The following DPP8 variants were observed in gnomAD, a reference collection of about 807,000 sequenced individuals.
DPP8 encodes dipeptidyl peptidase 8.
In DPP8, 31 loss-of-function variants were observed where a neutral mutation model predicts 107.5. That is an observed-to-expected ratio of 0.29 (90% CI 0.22 to 0.39). DPP8 has a LOEUF of 0.39. Ranked by LOEUF, DPP8 falls within the 10% of genes least tolerant of loss-of-function variation. DPP8 has a pLI of 1.00. For missense variants in DPP8, 842 were observed against 1,076.1 expected (o/e 0.78, Z 3.04); for synonymous variants, 381 against 356.6 (o/e 1.07, Z -0.77).
intron 19 of DPP8, among the ~76,000 whole-genome samples, chr15:65,449,458 G>A (rs2063805939): frequency 6.6e-6 from 1 of 151,670 alleles, no homozygotes; most frequent in African/African-American, 2.4e-5. Flanking sequence ...CACCCAGGCT[G>A]GAGTTCAGTG....
At chr15:65,463,525 A>G (rs1267928906) in intron 15 of DPP8, among the ~76,000 whole-genome samples, 4 of 151,866 alleles carry the variant, frequency 2.6e-5, no homozygotes, top group African/African-American at 9.7e-5. Flanking sequence ...CTGGGCAACA[A>G]GAGCAAAACT....
chr15:65,478,185 G>A (rs2066578557), intron 11 of DPP8, among the ~76,000 whole-genome samples: 1 of 152,164 alleles, frequency 6.6e-6, no homozygotes, highest in African/African-American at 2.4e-5. Context: ...TAACTCCAGT[G>A]TAGATGCAGA....
intron 16 of DPP8, among the ~76,000 whole-genome samples, chr15:65,454,716 C>A (rs1270534085): frequency 6.6e-6 from 1 of 151,798 alleles, no homozygotes; most frequent in Non-Finnish European, 1.5e-5. Context: ...TTAGTAGAGA[C>A]GGAGTTTCAC....
intron 18 of DPP8, among the ~76,000 whole-genome samples, chr15:65,451,537 T>C (rs1239797743): frequency 2.0e-5 from 3 of 152,240 alleles, no homozygotes; most frequent in Non-Finnish European, 2.9e-5. Context: ...TATTCTAGTA[T>C]AACATTTGTC....
At chr15:65,511,095 C>A (rs1331790110) in intron 2 of DPP8, among the ~76,000 whole-genome samples, 1 of 152,118 alleles carries the variant, frequency 6.6e-6, no homozygotes, top group African/African-American at 2.4e-5. Context: ...TTTCCCAGTA[C>A]TTCCACTCTT....
chr15:65,502,193 T>C (rs1271688320), intron 3 of DPP8, among the ~76,000 whole-genome samples: 2 of 152,122 alleles, frequency 1.3e-5, no homozygotes, highest in African/African-American at 4.8e-5. Context: ...CTGGCCCTCA[T>C]GAAAGAAGTG....
intron 11 of DPP8, among the ~76,000 whole-genome samples, chr15:65,474,509 C>A (rs890779537): frequency 2.6e-5 from 4 of 152,298 alleles, no homozygotes; most frequent in Admixed American, 2.6e-4. Context: ...TGTAGACAGT[C>A]TCGCTCTGTT....
At chr15:65,463,293 C>CT (rs1456973710) in intron 15 of DPP8, among the ~76,000 whole-genome samples, 2 of 152,192 alleles carry the variant, frequency 1.3e-5, no homozygotes, top group Middle Eastern at 3.2e-3. Flanking sequence ...AATCCCAACA[C>CT]TTTGGGAGCC....
chr15:65,499,601 G>C (rs2068979869), intron 4 of DPP8, among the ~76,000 whole-genome samples: 1 of 151,826 alleles, frequency 6.6e-6, no homozygotes, highest in Non-Finnish European at 1.5e-5. Flanking sequence ...GACTTGCTCT[G>C]TCATCCACGC....
chr15:65,460,064 T>G (rs1159467832), intron 15 of DPP8, among the ~76,000 whole-genome samples: 1 of 152,158 alleles, frequency 6.6e-6, no homozygotes, highest in African/African-American at 2.4e-5. Context: ...TCAATGACAT[T>G]AAATATATTC....
intron 15 of DPP8, among the ~76,000 whole-genome samples, chr15:65,457,702 AAATG>A (rs1425282106): frequency 1.4e-4 from 22 of 152,216 alleles, no homozygotes; most frequent in Non-Finnish European, 1.9e-4. Context: ...CCTGTTTGCT[AAATG>A]AATGAATGAA....
In DPP8 at chr15:65,454,391, C is replaced by A; in HGVS notation, c.2143G>T (p.Val715Leu). ...KMGQIEIDDQ[V>L]EGLQYLASRY... is the part of the protein sequence containing the mutation. ...GAAGCTAGATATTGGAGTCCTTCCACCTGATCGTCAATTTCTATTTGACCC... is the reference window on the plus strand; with the variant it reads ...GAAGCTAGATATTGGAGTCCTTCCAACTGATCGTCAATTTCTATTTGACCC... The change falls in exon 17 of 20, where the codon GTG becomes TTG. Residue 715 changes from valine to leucine, a missense_variant. Val to Leu is a conservative substitution (Grantham distance 32). This residue lies in a region of DPP8 where 179 missense variants were observed against 318.0 expected (regional missense o/e 0.56). Transcript: ENST00000300141. 2.5e-6 allele frequency: 4 copies of A among 1,598,160 alleles called. 1 individual carries two copies. The highest frequency in any genetic ancestry group is 2.3e-5 in the South Asian group (2 of 86,984).
At chr15:65,498,121 G>T in intron 4 of DPP8, 89 bp from the exon 5 acceptor site, 1 of 1,063,138 alleles carries the variant, frequency 9.4e-7, no homozygotes, top group Non-Finnish European at 1.3e-6. Flanking sequence ...AATATTTCTA[G>T]GTAAAATGTC....
chr15:65,453,605 C>T (rs1260824179), intron 17 of DPP8, among the ~76,000 whole-genome samples: 1 of 151,674 alleles, frequency 6.6e-6, no homozygotes, highest in Non-Finnish European at 1.5e-5. Context: ...TCCATCTCTA[C>T]TAAAAGTACA....
At chr15:65,453,450 CAT>C (rs58305362) in intron 17 of DPP8, among the ~76,000 whole-genome samples, 10 of 152,154 alleles carry the variant, frequency 6.6e-5, no homozygotes, top group Non-Finnish European at 1.2e-4. Flanking sequence ...CACACACACA[CAT>C]ACATATATAT....
chr15:65,470,447 A>T (rs1430877848), intron 12 of DPP8, among the ~76,000 whole-genome samples: 1 of 151,584 alleles, frequency 6.6e-6, no homozygotes, highest in African/African-American at 2.4e-5. Flanking sequence ...CTCTACTAAA[A>T]ATACAAAAAT....
At chr15:65,500,281 G>C (rs1007150458) in intron 4 of DPP8, among the ~76,000 whole-genome samples, 5 of 152,084 alleles carry the variant, frequency 3.3e-5, no homozygotes, top group African/African-American at 1.2e-4. Flanking sequence ...AGCCAGGGGT[G>C]GTGGCGCATG....
chr15:65,490,280 T>G lies in DPP8; in HGVS notation c.735A>C (p.Glu245Asp). Reference sequence around the variant, plus strand: ...TAGCGACTCCAGCTGATCTGGCATCTTCTTCCATGTTGGCTAGCTCTAGAC... The same window carrying G: ...TAGCGACTCCAGCTGATCTGGCATCGTCTTCCATGTTGGCTAGCTCTAGAC... ...YVHNELANME[E>D]DARSAGVATF... Residue 245 changes from glutamate (E) to aspartate (D), a missense_variant, in exon 6 of 20, where the codon GAA (glutamate) becomes GAC (aspartate). Around this residue, in one of 2 missense-constraint regions of DPP8, gnomAD observed 663 missense variants for 758.0 expected, o/e 0.87. Coordinates refer to ENST00000300141, the MANE Select transcript of DPP8 (RefSeq NM_130434.5). 1 of 1,611,886 alleles carries G rather than the reference T, an allele frequency of 6.2e-7. No homozygotes were observed. Among genetic ancestry groups the G allele is most frequent in the South Asian group, 1.1e-5 (1 of 91,034 alleles).
Position 65,451,000 on chromosome 15 carries a change from T to G in DPP8, c.2525A>C (p.Gln842Pro). The change falls in exon 19 of 20, where the codon CAG becomes CCG. Residue 842 changes from glutamine to proline, a missense_variant and splice_region_variant. By Grantham distance (76) the Gln-to-Pro change is moderately conservative. Around this residue, in one of 2 missense-constraint regions of DPP8, gnomAD observed 179 missense variants for 318.0 expected, o/e 0.56. Coordinates refer to ENST00000300141, the MANE Select transcript of DPP8 (RefSeq NM_130434.5). ...ACTAGAAAATGTAGAGTAACTCACCTGTAAATCATATGGCTTTCCAGCCCT... is the reference window on the plus strand; with the variant it reads ...ACTAGAAAATGTAGAGTAACTCACCGGTAAATCATATGGCTTTCCAGCCCT... ...LVRAGKPYDL[Q>P]IYPQERHSIR... 6.5e-7 allele frequency: 1 copy of G among 1,544,930 alleles called. No homozygotes were observed. The highest frequency in any genetic ancestry group is 8.9e-7 in the Non-Finnish European group (1 of 1,119,620).
Sources: gnomAD v4.1 joint callset for allele counts (sites outside exome capture counted in the v4.1 genomes callset) on GRCh38, gnomAD v4.1.1 for gene constraint, gnomAD v4.1.1 regional missense constraint, MANE v1.5 for transcripts, NCBI Gene and HGNC (gene_info 2026-07-23, HGNC 2026-07-21) for gene names.